Variants in ESYT2 observed in about 807,000 individuals in gnomAD.
ESYT2 encodes extended synaptotagmin 2.
Under a neutral mutation model 107.2 loss-of-function variants are expected in ESYT2, and 54 were observed. The ratio of observed to expected loss-of-function variants is 0.50; its 90% CI spans 0.40 to 0.63. The LOEUF is 0.63. Among genes scored for constraint, ESYT2 ranks in the 30% least tolerant of loss-of-function variants. ESYT2 has a pLI of 0.00. For missense variants in ESYT2, 1,020 were observed against 1,094.5 expected (o/e 0.93, Z 0.96); for synonymous variants, 491 against 434.1 (o/e 1.13, Z -1.63).
In ESYT2 at chr7:158,763,406, T is replaced by G. The variant is rs531286033; in HGVS notation, c.1102-241A>C. On this transcript the variant is annotated intron_variant, in intron 9 of 22. Transcript: ENST00000275418. Reference sequence around the variant, plus strand: ...GCCTCCTGGGTTCAAGCGATTCTCCTGCCTCAGCCTCCCAAGTAGCTGGGA... The same window carrying G: ...GCCTCCTGGGTTCAAGCGATTCTCCGGCCTCAGCCTCCCAAGTAGCTGGGA... Among the ~76,000 whole-genome samples, 775 of 152,234 alleles carry G rather than the reference T, an allele frequency of 5.1e-3. 4 individuals are homozygous for G. The highest frequency in any genetic ancestry group is 7.9e-3 in the Non-Finnish European group (539 of 67,994).
At position 158,788,006 on chromosome 7, in the gene ESYT2, GT is replaced by G. The variant is rs747890826; in HGVS notation, c.744del (p.Lys248AsnfsTer4). 3 of 1,610,910 alleles carry G rather than the reference GT, an allele frequency of 1.9e-6. No homozygotes were observed. In the South Asian group the frequency reaches 3.3e-5, roughly 18 times the overall value. ...AAATGAAATAAATATTGACTTACTG[GT>G]TTCCTAAGGAAGAAGATAGACAAAG... is the stretch of plus-strand genomic sequence containing the variant. ...VGALSIFFLR[K>X]PLLEINWTGL... On this transcript the variant is annotated frameshift_variant, in exon 6 of 23. Coordinates refer to ENST00000275418, the MANE Select transcript of ESYT2 (RefSeq NM_001367773.1). LOFTEE classifies it high-confidence loss of function.
In ESYT2 at chr7:158,735,497, A is replaced by G. The variant is rs1186766567; in HGVS notation, c.2505+6T>C. The G allele has an allele frequency of 6.8e-6, 11 of 1,612,012 alleles. No homozygotes were observed. The highest frequency in any genetic ancestry group is 9.3e-6 in the Non-Finnish European group (11 of 1,178,302). On this transcript the variant is annotated splice_donor_region_variant and intron_variant, in intron 21 of 22. Coordinates refer to ENST00000275418, the MANE Select transcript of ESYT2 (RefSeq NM_001367773.1). ...GGAACTGGTTGAGGATTCGTTTGGC[A>G]CTTACTTTGCCAAGGAGCCCTTTGT...
chr7:158,789,107 T>C (rs76910194), intron 4 of ESYT2, among the ~76,000 whole-genome samples: 6,107 of 152,314 alleles, frequency 0.04, 186 homozygotes, highest in Non-Finnish European at 0.06. Context: ...GATGTCACAC[T>C]CCTACCTGAC....
intron 4 of ESYT2, among the ~76,000 whole-genome samples, chr7:158,791,923 TA>T (rs762801449): frequency 6.6e-6 from 1 of 151,538 alleles, no homozygotes; most frequent in Non-Finnish European, 1.5e-5. Flanking sequence ...TCCATTAAGG[TA>T]GAATGTTTTT....
At chr7:158,781,415 G>A (rs1484631485) in intron 6 of ESYT2, among the ~76,000 whole-genome samples, 3 of 99,756 alleles carry the variant, frequency 3.0e-5, no homozygotes, top group Non-Finnish European at 7.1e-5. Flanking sequence ...AGGTGTGAGT[G>A]TAAGAACGAG....
At chr7:158,821,357 C>T (rs1327668582) in intron 1 of ESYT2, among the ~76,000 whole-genome samples, 1 of 152,190 alleles carries the variant, frequency 6.6e-6, no homozygotes, top group Non-Finnish European at 1.5e-5. Context: ...GTGATGGGTA[C>T]TCCCGGCTAT....
chr7:158,766,298 G>T (rs1838162742), intron 8 of ESYT2, among the ~76,000 whole-genome samples: 1 of 152,140 alleles, frequency 6.6e-6, no homozygotes, highest in Non-Finnish European at 1.5e-5. Context: ...CTAAAGTTGA[G>T]ATAATCTGGC....
rs2123655 is a variant in ESYT2, at chr7:158,757,761, T to G, written c.1419+1725A>C. ...TCAATACAGTCTCTCTGGGTTTTTT[T>G]TTTTTTGTTTTTTGTTTTTTTTGCT... On this transcript the variant is annotated intron_variant, in intron 13 of 22. Transcript: ENST00000275418. 9.9e-3 allele frequency among the ~76,000 whole-genome samples: 225 copies of G among 22,744 alleles called. No homozygotes were observed. In the Middle Eastern group the frequency reaches 0.11, roughly 11 times the overall value. 14.9% of individuals were successfully genotyped at this position (22,744 alleles called of 152,430 possible). A position where few individuals can be genotyped will look rare whatever the true frequency, so the allele number is the denominator to read the frequency against.
chr7:158,802,329 C>T (rs1333810639), intron 1 of ESYT2, among the ~76,000 whole-genome samples: 1 of 152,040 alleles, frequency 6.6e-6, no homozygotes, highest in African/African-American at 2.4e-5. Flanking sequence ...CTCCGTCACT[C>T]AGGCTGGAGT....
chr7:158,806,522 C>T (rs1179014985), intron 1 of ESYT2, among the ~76,000 whole-genome samples: 1 of 152,158 alleles, frequency 6.6e-6, no homozygotes, highest in Non-Finnish European at 1.5e-5. Flanking sequence ...AGAGTCAAAA[C>T]AGGGATGCCT....
At chr7:158,743,837 T>C in intron 16 of ESYT2, 159 bp from the exon 17 acceptor site, 1 of 741,440 alleles carries the variant, frequency 1.3e-6, no homozygotes, top group Non-Finnish European at 2.0e-6. Context: ...TTTCAGCACT[T>C]TGGGAGGCTC....
At position 158,798,646 on chromosome 7, in the gene ESYT2, CAAAAAAAAAAAA is replaced by C. The variant is rs57351086; in HGVS notation, c.372+373_372+384del. On this transcript the variant is annotated intron_variant, in intron 2 of 22. Transcript: ENST00000275418. ...GGGCAACAAGAGTGAAGCTCCGTCT[CAAAAAAAAAAAA>C]AAAAAAAAAAAAAAAAGACTGTTAT... Among the ~76,000 whole-genome samples, 13 of 49,866 alleles carry C rather than the reference CAAAAAAAAAAAA, an allele frequency of 2.6e-4. No individual in the cohort carries two copies. In the South Asian group the frequency reaches 0.011, roughly 42 times the overall value. The allele number at this position is 49,866 out of a possible 152,430, so 32.7% of individuals were successfully genotyped here.
intron 1 of ESYT2, among the ~76,000 whole-genome samples, chr7:158,826,963 G>A (rs1450721771): frequency 1.3e-5 from 2 of 151,632 alleles, no homozygotes; most frequent in Non-Finnish European, 2.9e-5. Context: ...AGGAGTTTGA[G>A]ACCAGCCTGG....
Position 158,739,111 on chromosome 7 carries a change from G to C in ESYT2, c.2179C>G (p.Leu727Val). ...ATCTGCCCCAGTGGAGACTGTCCCA[G>C]GGTCGTCCCGCTGTGGGAAAAGAGC... ...RLRQLENGTT[L>V]GQSPLGQIQL... Residue 727 changes from leucine to valine, a missense_variant, in exon 19 of 23, where the codon CTG (leucine) becomes GTG (valine). Physicochemically the swap from Leu to Val is conservative, Grantham distance 32. Coordinates refer to ENST00000275418, the MANE Select transcript of ESYT2 (RefSeq NM_001367773.1). 1 of 1,614,060 alleles carries C rather than the reference G, an allele frequency of 6.2e-7. No individual in the cohort carries two copies. Among genetic ancestry groups the C allele is most frequent in the Non-Finnish European group, 8.5e-7 (1 of 1,179,976 alleles).
Position 158,752,895 on chromosome 7 carries a change from G to T in ESYT2, c.1420-52C>A. ...GCCAAGGGTTAATAAAACATGCAAT[G>T]AAGTTTATGTAAGGTTAAAGACATG... On this transcript the variant is annotated intron_variant, in intron 13 of 22. Coordinates refer to ENST00000275418, the MANE Select transcript of ESYT2 (RefSeq NM_001367773.1). The T allele has an allele frequency of 1.0e-5, 12 of 1,165,660 alleles. No individual in the cohort carries two copies. The South Asian group carries it at 1.4e-4, about 14-fold the overall frequency. 72.2% of individuals were successfully genotyped at this position (1,165,660 alleles called of 1,614,324 possible). A position where few individuals can be genotyped will look rare whatever the true frequency, so the allele number is the denominator to read the frequency against.
At chr7:158,781,856 GGTGTAA>G (rs1201269079) in intron 6 of ESYT2, among the ~76,000 whole-genome samples, 6 of 143,420 alleles carry the variant, frequency 4.2e-5, no homozygotes, top group South Asian at 2.3e-4. Context: ...AACAAAGTGA[GGTGTAA>G]GTGTAAGAAC....
rs114089855 is a variant in ESYT2 at position 158,735,274 on chromosome 7, T to A, written c.2505+229A>T. ...TTGAGGAGATGGAATTGTAAGAGATTATTTTCCTTCAATGTGATACTTGAA... is the reference window on the plus strand; with the variant it reads ...TTGAGGAGATGGAATTGTAAGAGATAATTTTCCTTCAATGTGATACTTGAA... On this transcript the variant is annotated intron_variant, in intron 21 of 22. Coordinates refer to ENST00000275418, the MANE Select transcript of ESYT2 (RefSeq NM_001367773.1). 8.2e-3 allele frequency among the ~76,000 whole-genome samples: 1,252 copies of A among 152,362 alleles called. 19 individuals carry two copies. Among genetic ancestry groups the A allele is most frequent in the African/African-American group, 0.029 (1,191 of 41,584 alleles).
rs75374561 is a variant in ESYT2 at position 158,777,329 on chromosome 7, C to A, written c.748-3933G>T. Among the ~76,000 whole-genome samples, 693 of 152,220 alleles carry A rather than the reference C, an allele frequency of 4.6e-3. 43 individuals are homozygous for A. The East Asian group carries it at 0.12, about 26-fold the overall frequency. On this transcript the variant is annotated intron_variant, in intron 6 of 22. Coordinates refer to ENST00000275418, the MANE Select transcript of ESYT2 (RefSeq NM_001367773.1). The stretch of plus-strand genomic sequence containing the variant: ...CAGTCAGTGGAGCAGTCAGAAGATA[C>A]GACATTTACCAATTAACCTGGCCAT...
Position 158,788,109 on chromosome 7 carries a change from A to C in ESYT2, c.658-16T>G. 6.2e-7 allele frequency: 1 copy of C among 1,602,716 alleles called. No homozygotes were observed. On this transcript the variant is annotated splice_polypyrimidine_tract_variant and intron_variant, in intron 5 of 22. Transcript: ENST00000275418. ...TACCATGAATCTAAACTCAAACAGG[A>C]AACCAAAATATGTAATAGAAAACAT...
Sources: gnomAD v4.1 joint callset for allele counts (sites outside exome capture counted in the v4.1 genomes callset) on GRCh38, gnomAD v4.1.1 for gene constraint, MANE v1.5 for transcripts, NCBI Gene and HGNC (gene_info 2026-07-23, HGNC 2026-07-21) for gene names.